Variants in DRC7 observed in about 807,000 individuals in gnomAD.
DRC7 encodes coiled-coil domain containing 135.
In DRC7, 80 loss-of-function variants were observed where a neutral mutation model predicts 104.4. The ratio of observed to expected loss-of-function variants is 0.77; its 90% CI spans 0.64 to 0.92. The LOEUF is 0.92. DRC7 is among the 40% of genes least tolerant of loss of function. DRC7 has a pLI of 0.00. For missense variants in DRC7, 1,034 were observed against 1,141.1 expected, an observed-to-expected ratio of 0.91 and a Z score of 1.35; for synonymous variants, 405 against 447.3, an observed-to-expected ratio of 0.91 and a Z score of 1.19.
intron 3 of DRC7, 98 bp downstream of exon 3, chr16:57,698,250 A>C (rs1239218098): frequency 1.9e-6 from 3 of 1,550,642 alleles, no homozygotes; most frequent in African/African-American, 2.7e-5. Context: ...TAGGGTGACC[A>C]GGAGATAGAG....
chr16:57,730,803 C>A, intron 17 of DRC7, 128 bp from the exon 18 acceptor site: 1 of 969,718 alleles, frequency 1.0e-6, no homozygotes, highest in Non-Finnish European at 1.5e-6. Context: ...GGATAGGTGG[C>A]TTGTGTGAGT....
At chr16:57,712,710 C>T (rs2048802367) in intron 8 of DRC7, among the ~76,000 whole-genome samples, 1 of 151,806 alleles carries the variant, frequency 6.6e-6, no homozygotes, top group Admixed American at 6.6e-5. Flanking sequence ...TCTTGTTGCC[C>T]AGGCTGGAGT....
At chr16:57,723,172 T>C (rs768436126) in intron 12 of DRC7, 42 bp downstream of exon 12, 1 of 1,604,554 alleles carries the variant, frequency 6.2e-7, no homozygotes, top group Non-Finnish European at 8.5e-7. Context: ...GAGCCTGGGG[T>C]AGAGGCCTCA....
intron 17 of DRC7, 23 bp downstream of exon 17, chr16:57,728,607 G>T (rs570774919): frequency 6.5e-7 from 1 of 1,540,630 alleles, no homozygotes; most frequent in South Asian, 1.2e-5. Context: ...CCTTTGTTGG[G>T]GAGGGGGGGA....
At position 57,725,859 on chromosome 16, in the gene DRC7, G is replaced by C. The variant is rs2048956170; in HGVS notation, c.1759-209G>C. 4 of 573,214 alleles carry C rather than the reference G, an allele frequency of 7.0e-6. No homozygotes were observed. The South Asian group carries it at 8.2e-5, about 12-fold the overall frequency. 35.5% of individuals were successfully genotyped at this position (573,214 alleles called of 1,614,324 possible). A position where few individuals can be genotyped will look rare whatever the true frequency, so the allele number is the denominator to read the frequency against. ...CAGAGTCTTGAAGGAGCTGAGGAGG[G>C]GCCCAGCACCATATGGGAGTGGAGT... On this transcript the variant is annotated intron_variant, in intron 13 of 18. Transcript: ENST00000360716.
At chr16:57,721,877 ACCCT>A (rs1567884619) in intron 10 of DRC7, 138 bp downstream of exon 10, 85 of 598,550 alleles carry the variant, frequency 1.4e-4, no homozygotes, top group East Asian at 1.8e-4. Context: ...CTTCAGCTGC[ACCCT>A]CCCTCCCTCC....
rs1555576589 is a variant in DRC7 at position 57,731,441 on chromosome 16, ACT to A, written c.*186_*187del. 18 of 592,260 alleles carry A rather than the reference ACT, an allele frequency of 3.0e-5. No homozygotes were observed. Among genetic ancestry groups the A allele is most frequent in the Non-Finnish European group, 5.4e-5 (18 of 334,182 alleles). 36.7% of individuals were successfully genotyped at this position (592,260 alleles called of 1,614,324 possible). On this transcript the variant is annotated 3_prime_UTR_variant, in exon 19 of 19. Transcript: ENST00000360716. ...TCATGATTTTCCTGTAAATAAACAC[ACT>A]CTTAATTTGCCATTTGTGCCTTGCG... is the stretch of plus-strand genomic sequence containing the variant.
At chr16:57,695,916 TGG>T (rs2048588143) in intron 1 of DRC7, among the ~76,000 whole-genome samples, 1 of 152,202 alleles carries the variant, frequency 6.6e-6, no homozygotes, top group African/African-American at 2.4e-5. Context: ...GTGGCCCATG[TGG>T]GTGTGGAGTT....
chr16:57,728,391 AGC>A lies in DRC7; in HGVS notation c.2201_2202del (p.Arg734HisfsTer41). ...GCTATCTGCCCCTCACCTTTACAGGAGCGCATGATGCACGAAGAGCACCTGCG... is the reference window on the plus strand; with the variant it reads ...GCTATCTGCCCCTCACCTTTACAGGAGCATGATGCACGAAGAGCACCTGCG... On this transcript the variant is annotated frameshift_variant and splice_region_variant, in exon 17 of 19. Transcript: ENST00000360716. LOFTEE classifies it high-confidence loss of function. 1 of 1,591,058 alleles carries A rather than the reference AGC, an allele frequency of 6.3e-7. No individual in the cohort carries two copies. The highest frequency in any genetic ancestry group is 2.3e-5 in the East Asian group (1 of 44,324).
chr16:57,718,234 T>C (rs2096106853), intron 8 of DRC7, 113 bp from the exon 9 acceptor site: 8 of 1,378,826 alleles, frequency 5.8e-6, no homozygotes, highest in South Asian at 1.4e-5. Flanking sequence ...CCCCAAGCCC[T>C]GGGCCCAGGT....
chr16:57,722,803 G>GCC lies in DRC7; in HGVS notation c.1371_1372dup (p.Leu458ProfsTer3). The GCC allele has an allele frequency of 6.2e-7, 1 of 1,613,878 alleles. No individual in the cohort carries two copies. On this transcript the variant is annotated frameshift_variant, in exon 11 of 19. Transcript: ENST00000360716. LOFTEE classifies it high-confidence loss of function. ...TGGGCCCCGTACCTCAATAGCAATGGCCTTGTGAGCCGCCTCACCACCTAT... is the reference window on the plus strand; with the variant it reads ...TGGGCCCCGTACCTCAATAGCAATGGCCCCTTGTGAGCCGCCTCACCACCTAT...
chr16:57,724,847 C>A lies in DRC7; in HGVS notation c.1758+12C>A, dbSNP rs200248822. On this transcript the variant is annotated intron_variant, in intron 13 of 18. Transcript: ENST00000360716. The stretch of plus-strand genomic sequence containing the variant: ...CCCGGCCCATTGTGGTAAGAGCTCG[C>A]GGGGGCTGGGGACAGGTCGCCCTCC... 4 of 1,603,602 alleles carry A rather than the reference C, an allele frequency of 2.5e-6. No individual in the cohort carries two copies. Among genetic ancestry groups the A allele is most frequent in the African/African-American group, 1.3e-5 (1 of 74,444 alleles).
chr16:57,725,281 C>T (rs754115980), intron 13 of DRC7, among the ~76,000 whole-genome samples: 19 of 152,076 alleles, frequency 1.2e-4, no homozygotes, highest in Admixed American at 1.2e-3. Flanking sequence ...CTCACTATCA[C>T]GAGAATAGCA....
Position 57,701,958 on chromosome 16 carries a change from C to G in DRC7, c.527C>G (p.Thr176Ser). 6.2e-7 allele frequency: 1 copy of G among 1,614,140 alleles called. No homozygotes were observed. The highest frequency in any genetic ancestry group is 8.5e-7 in the Non-Finnish European group (1 of 1,180,014). ...CAGCCCTCGCACCTGTACTCCTCGACCACTGTGCTCAAGTACCAGAAGGGG... is the reference window on the plus strand; with the variant it reads ...CAGCCCTCGCACCTGTACTCCTCGAGCACTGTGCTCAAGTACCAGAAGGGG... ...LKPPSHLYSS[T>S]TVLKYQKGNC... The change falls in exon 6 of 19, where the codon ACC becomes AGC. Residue 176 changes from threonine (T) to serine (S), a missense_variant. Coordinates refer to ENST00000360716, the MANE Select transcript of DRC7 (RefSeq NM_001289162.2).
intron 1 of DRC7, among the ~76,000 whole-genome samples, chr16:57,695,057 C>G (rs1421796969): frequency 1.3e-5 from 2 of 151,958 alleles, no homozygotes; most frequent in African/African-American, 4.8e-5. Context: ...TGGGTTGGGG[C>G]AGAATCTAAG....
chr16:57,726,921 G>A lies in DRC7; in HGVS notation c.2064G>A (p.Gln688=). The A allele has an allele frequency of 1.2e-6, 2 of 1,610,820 alleles. No individual in the cohort carries two copies. Among genetic ancestry groups the A allele is most frequent in the Non-Finnish European group, 1.7e-6 (2 of 1,177,658 alleles). The change falls in exon 15 of 19, where the codon CAG becomes CAA. Residue 688 remains glutamine (Q), a synonymous_variant. Coordinates refer to ENST00000360716, the MANE Select transcript of DRC7 (RefSeq NM_001289162.2). ...GGGAGGAGAAGCTGTCCAGACATCA[G>A]GTCTGGGAGTCAGAGCTGGAGGTAG... ...LKREEKLSRH[Q]VWESELEVLE...
At chr16:57,727,029 T>A in intron 15 of DRC7, 87 bp downstream of exon 15, 1 of 853,650 alleles carries the variant, frequency 1.2e-6, no homozygotes, top group Non-Finnish European at 1.9e-6. Context: ...TGGAATGCAG[T>A]GGCGCAATTA....
chr16:57,724,309 CAA>C (rs35767816), intron 12 of DRC7, among the ~76,000 whole-genome samples: 16,054 of 80,120 alleles, frequency 0.2, 770 homozygotes, highest in East Asian at 0.31. Context: ...GGCTGTGTCT[CAA>C]AAAAAAAAAA....
At chr16:57,708,941 C>T (rs2048762784) in intron 8 of DRC7, among the ~76,000 whole-genome samples, 1 of 151,916 alleles carries the variant, frequency 6.6e-6, no homozygotes, top group Non-Finnish European at 1.5e-5. Flanking sequence ...CCAGCCTGGC[C>T]AACATGGTGA....
Sources: allele counts gnomAD v4.1 joint callset (sites outside exome capture counted in the v4.1 genomes callset), GRCh38; gene constraint gnomAD v4.1.1; transcripts MANE v1.5; gene names NCBI Gene and HGNC (gene_info 2026-07-23, HGNC 2026-07-21).